CYFIP2: variants seen among roughly 807,000 people sequenced by gnomAD.
CYFIP2 encodes the protein cytoplasmic FMR1 interacting protein 2.
A neutral mutation model predicts 158.7 loss-of-function variants in CYFIP2; 29 were observed. The observed-to-expected ratio is 0.18, with a 90% confidence interval of 0.14 to 0.25. The LOEUF (loss-of-function observed/expected upper bound fraction) is 0.25. CYFIP2 is among the 10% of genes least tolerant of loss of function. The probability of loss-of-function intolerance (pLI) is 1.00; values close to 1 mark genes in which losing one functional copy is unlikely to be tolerated. For missense variants in CYFIP2, 852 were observed against 1,639.5 expected (o/e 0.52, Z 8.29); for synonymous variants, 585 against 617.6 (o/e 0.95, Z 0.78).
At chr5:157,275,724 C>A (rs1054580673) in intron 1 of CYFIP2, among the ~76,000 whole-genome samples, 1 of 152,222 alleles carries the variant, frequency 6.6e-6, no homozygotes, top group African/African-American at 2.4e-5. Context: ...TATGTTGAAT[C>A]TGTAGGTTAG....
intron 1 of CYFIP2, among the ~76,000 whole-genome samples, chr5:157,278,231 T>TTG (rs1326737478): frequency 1.3e-5 from 2 of 151,972 alleles, no homozygotes; most frequent in African/African-American, 4.8e-5. Context: ...TGCAGTATGT[T>TTG]TGTGTGTGTG....
At chr5:157,315,315 G>GA (rs57338866) in intron 13 of CYFIP2, among the ~76,000 whole-genome samples, 17,336 of 148,568 alleles carry the variant, frequency 0.12, 1,502 homozygotes, top group East Asian at 0.27. Flanking sequence ...CATTCCACTG[G>GA]AAAAAAAAAC....
intron 21 of CYFIP2, among the ~76,000 whole-genome samples, chr5:157,337,237 G>A (rs535873722): frequency 5.3e-5 from 8 of 152,196 alleles, no homozygotes; most frequent in South Asian, 4.2e-4. Context: ...CTGTATTTCC[G>A]CCCTTCATTT....
chr5:157,391,861 A>G (rs1403440459), intron 30 of CYFIP2, among the ~76,000 whole-genome samples: 2 of 152,200 alleles, frequency 1.3e-5, no homozygotes, highest in South Asian at 2.1e-4. Flanking sequence ...TCTGTTTTCC[A>G]TAGTGGCTGC....
chr5:157,312,869 T>C (rs1281724624), intron 11 of CYFIP2, among the ~76,000 whole-genome samples: 2 of 152,162 alleles, frequency 1.3e-5, no homozygotes, highest in African/African-American at 4.8e-5. Flanking sequence ...CTTTTAAAAA[T>C]TTTTTTTAAT....
At chr5:157,333,534 G>C (rs1247159502) in intron 21 of CYFIP2, 88 bp downstream of exon 21, 5 of 1,574,990 alleles carry the variant, frequency 3.2e-6, no homozygotes, top group Non-Finnish European at 4.3e-6. Flanking sequence ...CTAGTGCTGG[G>C]CCAGTTAAAG....
rs747397721 is a variant in CYFIP2 at position 157,319,713 on chromosome 5, C to T, written c.1357-49C>T. ...CAGGGCGGTGATGGGTAGTAGACAG[C>T]TGGTGTGCTGGACATGGTGAACATG... On this transcript the variant is annotated intron_variant, in intron 13 of 30. Coordinates refer to ENST00000620254, the MANE Select transcript of CYFIP2 (RefSeq NM_001037333.3). 1.9e-6 allele frequency: 3 copies of T among 1,600,640 alleles called. No individual in the cohort carries two copies. The Admixed American group carries it at 5.1e-5, about 27-fold the overall frequency.
intron 28 of CYFIP2, chr5:157,384,204 G>T: frequency 2.3e-6 from 1 of 442,750 alleles, no homozygotes; most frequent in Non-Finnish European, 4.6e-6. Flanking sequence ...AGTAAGACAG[G>T]ACCCCTGCCT....
At chr5:157,377,586 G>A (rs1765610368) in intron 26 of CYFIP2, among the ~76,000 whole-genome samples, 1 of 152,178 alleles carries the variant, frequency 6.6e-6, no homozygotes, top group Admixed American at 6.5e-5. Context: ...GGTAAGGGTT[G>A]TGCATCTGGT....
chr5:157,339,288 TG>T, intron 22 of CYFIP2, 32 bp downstream of exon 22: 2 of 1,402,796 alleles, frequency 1.4e-6, no homozygotes, highest in Non-Finnish European at 2.0e-6. Flanking sequence ...GGGGGCCGGG[TG>T]GGGGTTGGGG....
At chr5:157,332,961 G>A (rs1189701641) in intron 20 of CYFIP2, among the ~76,000 whole-genome samples, 2 of 152,098 alleles carry the variant, frequency 1.3e-5, no homozygotes, top group African/African-American at 4.8e-5. Flanking sequence ...TGAAAAATTA[G>A]GCTTGCAGAC....
chr5:157,286,158 T>C (rs1169989793), intron 2 of CYFIP2, among the ~76,000 whole-genome samples: 1 of 152,208 alleles, frequency 6.6e-6, no homozygotes, highest in Non-Finnish European at 1.5e-5. Flanking sequence ...ATGAAGTACA[T>C]GCTTGAAGGT....
chr5:157,354,940 G>A (rs995630830), intron 23 of CYFIP2, among the ~76,000 whole-genome samples: 1 of 152,062 alleles, frequency 6.6e-6, no homozygotes, highest in Non-Finnish European at 1.5e-5. Flanking sequence ...TGGCGGTGAG[G>A]GTTTAGGACA....
At chr5:157,284,464 C>A (rs552332404) in intron 1 of CYFIP2, among the ~76,000 whole-genome samples, 3 of 152,230 alleles carry the variant, frequency 2.0e-5, no homozygotes, top group Admixed American at 2.0e-4. Flanking sequence ...ACTTGTAGGC[C>A]ATCATTTTTG....
intron 1 of CYFIP2, among the ~76,000 whole-genome samples, chr5:157,279,337 A>C (rs1306513935): frequency 2.0e-5 from 3 of 152,262 alleles, no homozygotes. Flanking sequence ...CACTAGCCTA[A>C]TATTTCACTT....
chr5:157,360,908 C>T (rs138836020), intron 25 of CYFIP2, among the ~76,000 whole-genome samples: 2 of 152,194 alleles, frequency 1.3e-5, no homozygotes. Flanking sequence ...TTTCCAAAAC[C>T]AAGATGTCTA....
chr5:157,350,356 C>G (rs533562733), intron 23 of CYFIP2, among the ~76,000 whole-genome samples: 3 of 152,206 alleles, frequency 2.0e-5, no homozygotes, highest in African/African-American at 7.2e-5. Flanking sequence ...GCCAATTATC[C>G]CAGCACCATT....
Position 157,387,247 on chromosome 5 carries a change from T to C in CYFIP2, c.3208-1942T>C, listed in dbSNP as rs1056974905. 1.4e-4 allele frequency among the ~76,000 whole-genome samples: 22 copies of C among 152,314 alleles called. No individual in the cohort carries two copies. In the South Asian group the frequency reaches 3.9e-3, roughly 27 times the overall value. ...ATTTTTATTTTCTTAGAACTTTTTT[T>C]TTCTTTTTTCCTAACCACTAGGCCA... On this transcript the variant is annotated intron_variant, in intron 28 of 30. Transcript: ENST00000620254.
intron 19 of CYFIP2, among the ~76,000 whole-genome samples, chr5:157,329,246 A>G (rs114211155): frequency 0.016 from 2,370 of 152,370 alleles, 79 homozygotes; most frequent in African/African-American, 0.054. Context: ...AAAGTAGTCA[A>G]TAGGCATCTG....
Sources: gnomAD v4.1 joint callset for allele counts (sites outside exome capture counted in the v4.1 genomes callset) on GRCh38, gnomAD v4.1.1 for gene constraint, MANE v1.5 for transcripts, NCBI Gene and HGNC (gene_info 2026-07-23, HGNC 2026-07-21) for gene names.